The following NEIL1 variants were observed in gnomAD, a reference collection of about 807,000 sequenced individuals.
The protein encoded by NEIL1 is nei like DNA glycosylase 1.
A neutral mutation model predicts 44.2 loss-of-function variants in NEIL1; 31 were observed. That is an observed-to-expected ratio of 0.70 (90% CI 0.53 to 0.95). The LOEUF is 0.95. Ranked by LOEUF, NEIL1 falls within the 40% of genes least tolerant of loss-of-function variation. The probability of loss-of-function intolerance (pLI) is 0.00; values close to 1 mark genes in which losing one functional copy is unlikely to be tolerated. For synonymous variants in NEIL1, 254 were observed against 209.7 expected (o/e 1.21, Z -1.83); for missense variants, 549 against 515.5 (o/e 1.07, Z -0.63).
rs2071658685 is a variant in NEIL1 at position 75,348,954 on chromosome 15, G to A, written c.49G>A (p.Ala17Thr). 2 of 1,613,416 alleles carry A rather than the reference G, an allele frequency of 1.2e-6. No homozygotes were observed. Among genetic ancestry groups the A allele is most frequent in the Non-Finnish European group, 1.7e-6 (2 of 1,180,038 alleles). The change falls in exon 2 of 10, where the codon GCC (alanine) becomes ACC (threonine). Residue 17 changes from alanine to threonine, a missense_variant. By Grantham distance (58) the Ala-to-Thr change is moderately conservative (BLOSUM62 0). Coordinates refer to ENST00000355059, the MANE Select transcript of NEIL1 (RefSeq NM_024608.4). Reference sequence around the variant, plus strand: ...CCTGGCCAGCCAGTTTGTGAATGAGGCCTGCAGGGCGCTGGTGTTCGGCGG... The same window carrying A: ...CCTGGCCAGCCAGTTTGTGAATGAGACCTGCAGGGCGCTGGTGTTCGGCGG... ...LHLASQFVNE[A>T]CRALVFGGCV...
chr15:75,348,645 C>T (rs1364028707), intron 1 of NEIL1: 2 of 1,383,660 alleles, frequency 1.4e-6, no homozygotes, highest in South Asian at 1.7e-5. Flanking sequence ...TGGAAGGAAG[C>T]GGTTAGCAGC....
chr15:75,353,814 T>C lies in NEIL1; in HGVS notation c.794T>C (p.Met265Thr), dbSNP rs1361491588. Residue 265 changes from methionine to threonine, a missense_variant, in exon 6 of 10, where the codon ATG becomes ACG. Transcript: ENST00000355059. ...AFRAWLRCYG[M>T]PGMSSLQDRH... is the part of the protein sequence containing the mutation. The stretch of plus-strand genomic sequence containing the variant: ...CGAGCCTGGCTGCGCTGCTATGGCA[T>C]GCCAGGCATGAGCTCCCTGCAGGAC... 4.3e-6 allele frequency: 7 copies of C among 1,613,752 alleles called. No individual in the cohort carries two copies. In the Admixed American group the frequency reaches 5.0e-5, roughly 12 times the overall value.
chr15:75,352,794 G>T lies in NEIL1; in HGVS notation c.718+93G>T, dbSNP rs981100333. 6.9e-6 allele frequency: 7 copies of T among 1,011,980 alleles called. No homozygotes were observed. In the African/African-American group the frequency reaches 1.1e-4, roughly 16 times the overall value. The allele number at this position is 1,011,980 out of a possible 1,614,324, so 62.7% of individuals were successfully genotyped here. ...TCTCTGGACCTGATTCACCGATTTG[G>T]AAGTTTGTAGCCCTAGCTGATACTC... is the stretch of plus-strand genomic sequence containing the variant. On this transcript the variant is annotated intron_variant, in intron 5 of 9. Transcript: ENST00000355059.
chr15:75,348,238 C>A, intron 1 of NEIL1: 1 of 851,526 alleles, frequency 1.2e-6, no homozygotes. Flanking sequence ...ATGTCCGGTC[C>A]GTGGGGCAGG....
At chr15:75,352,548 C>T in intron 4 of NEIL1, 54 bp from the exon 5 acceptor site, 1 of 1,572,158 alleles carries the variant, frequency 6.4e-7, no homozygotes, top group East Asian at 2.3e-5. Context: ...AGAAGGTCAG[C>T]TGCCTTTACA....
intron 1 of NEIL1, chr15:75,348,029 G>C (rs1207401390): frequency 2.9e-5 from 34 of 1,156,928 alleles, no homozygotes; most frequent in Non-Finnish European, 3.7e-5. Context: ...GGGCGGAGGT[G>C]AGGAGTCGAT....
rs371145413 is a variant in NEIL1 at position 75,356,624 on chromosome 15, C to A, written c.*1590C>A. On this transcript the variant is annotated 3_prime_UTR_variant, in exon 10 of 10. Coordinates refer to ENST00000355059, the MANE Select transcript of NEIL1 (RefSeq NM_024608.4). The surrounding 1 kb of genome is among the most constrained non-coding windows in gnomAD (Gnocchi z 5.8). ...CACTCACCCTTGTGCGGCATCAGTG[C>A]ATAGGTGAACTCGTGGCGCCCCGTG... The A allele has an allele frequency of 1.3e-5, 20 of 1,564,634 alleles. No individual in the cohort carries two copies. The highest frequency in any genetic ancestry group is 1.6e-5 in the Non-Finnish European group (19 of 1,155,084).
chr15:75,356,196 G>T lies in NEIL1; in HGVS notation c.*1162G>T. 4 of 1,613,410 alleles carry T rather than the reference G, an allele frequency of 2.5e-6. No individual in the cohort carries two copies. Among genetic ancestry groups the T allele is most frequent in the Non-Finnish European group, 3.4e-6 (4 of 1,179,928 alleles). On this transcript the variant is annotated 3_prime_UTR_variant, in exon 10 of 10. Coordinates refer to ENST00000355059, the MANE Select transcript of NEIL1 (RefSeq NM_024608.4). This position sits in a 1 kb window ranked among gnomAD's most constrained non-coding sequence, Gnocchi z 5.8. ...CCTCATACAGCCTCAGGACCAGCGA[G>T]CGGCGCTGGGGGCTGCTCTCCGCCT...
Position 75,356,312 on chromosome 15 carries a change from TCTCCAATACGA to T in NEIL1, c.*1280_*1290del. On this transcript the variant is annotated 3_prime_UTR_variant, in exon 10 of 10. Transcript: ENST00000355059. The surrounding 1 kb of genome is among the most constrained non-coding windows in gnomAD (Gnocchi z 5.8). ...GTCCCACCCCTTGCCTGCTTGACGGTCTCCAATACGACCGCGGGTGAAGACACGGAAAACGC... is the reference window on the plus strand; with the variant it reads ...GTCCCACCCCTTGCCTGCTTGACGGTCCGCGGGTGAAGACACGGAAAACGC... The T allele has an allele frequency of 6.2e-7, 1 of 1,610,102 alleles. No individual in the cohort carries two copies. Among genetic ancestry groups the T allele is most frequent in the Non-Finnish European group, 8.5e-7 (1 of 1,178,996 alleles).
rs759956046 is a variant in NEIL1, at chr15:75,354,734, C to T, written c.1018C>T (p.Pro340Ser). Residue 340 changes from proline (P) to serine (S), a missense_variant, in exon 9 of 10, where the codon CCT becomes TCT. Pro to Ser is a moderately conservative substitution (Grantham distance 74). Coordinates refer to ENST00000355059, the MANE Select transcript of NEIL1 (RefSeq NM_024608.4). ...DLPKRTATQR[P>S]EGTSLQQDPE... The stretch of plus-strand genomic sequence containing the variant: ...TCCTAAGAGGACTGCAACCCAGCGG[C>T]CTGAGGGGACCAGCCTCCAGCAGGA... 6.2e-7 allele frequency: 1 copy of T among 1,614,140 alleles called. No homozygotes were observed. The highest frequency in any genetic ancestry group is 8.5e-7 in the Non-Finnish European group (1 of 1,180,040).
intron 2 of NEIL1, among the ~76,000 whole-genome samples, chr15:75,351,098 C>T (rs933566094): frequency 6.6e-6 from 1 of 152,136 alleles, no homozygotes; most frequent in African/African-American, 2.4e-5. Context: ...TGTCCAGGAT[C>T]TTGAGAAGAA....
At chr15:75,354,178 C>A (rs372109190) in intron 6 of NEIL1, 72 bp from the exon 7 acceptor site, 5 of 1,540,910 alleles carry the variant, frequency 3.2e-6, no homozygotes, top group Admixed American at 1.7e-5. Context: ...GTGTGTGAGT[C>A]CTGCCTCTCC....
chr15:75,347,959 G>A lies in NEIL1; in HGVS notation c.-23+486G>A, dbSNP rs2071569628. On this transcript the variant is annotated intron_variant, in intron 1 of 9. Transcript: ENST00000355059. ...CGCTAAGTGCCCCCTTCCACTTAAG[G>A]CACACCTTCGCCTCCGATTCCGAAC... 5 of 1,248,046 alleles carry A rather than the reference G, an allele frequency of 4.0e-6. No individual in the cohort carries two copies. In the African/African-American group the frequency reaches 4.6e-5, roughly 12 times the overall value. 77.3% of individuals were successfully genotyped at this position (1,248,046 alleles called of 1,614,324 possible). A position where few individuals can be genotyped will look rare whatever the true frequency, so the allele number is the denominator to read the frequency against.
Position 75,356,950 on chromosome 15 carries a change from G to C in NEIL1, c.*1916G>C, listed in dbSNP as rs1194563864. 15 of 1,495,832 alleles carry C rather than the reference G, an allele frequency of 1.0e-5. No homozygotes were observed. In the African/African-American group the frequency reaches 1.1e-4, roughly 11 times the overall value. The allele number at this position is 1,495,832 out of a possible 1,614,324, so 92.7% of individuals were successfully genotyped here. ...ACTTGGTGGCCCTGTGCCCCTCTTT[G>C]TGCTCCCAGACTCCAGAGCTCCTGT... On this transcript the variant is annotated 3_prime_UTR_variant, in exon 10 of 10. Transcript: ENST00000355059. The surrounding 1 kb of genome is among the most constrained non-coding windows in gnomAD (Gnocchi z 5.8).
rs572441442 is a variant in NEIL1, at chr15:75,355,113, G to C, written c.*79G>C. On this transcript the variant is annotated 3_prime_UTR_variant, in exon 10 of 10. Coordinates refer to ENST00000355059, the MANE Select transcript of NEIL1 (RefSeq NM_024608.4). ...TGGGGGTCTGAATTTTTGGGAGCAGGCAATATCTGAAGGTGCAAACAGGCC... is the reference window on the plus strand; with the variant it reads ...TGGGGGTCTGAATTTTTGGGAGCAGCCAATATCTGAAGGTGCAAACAGGCC... 13 of 1,303,614 alleles carry C rather than the reference G, an allele frequency of 1.0e-5. No individual in the cohort carries two copies. The East Asian group carries it at 2.7e-4, about 27-fold the overall frequency. The allele number at this position is 1,303,614 out of a possible 1,614,324, so 80.8% of individuals were successfully genotyped here.
rs934720955 is a variant in NEIL1, at chr15:75,352,183, G to A, written c.507G>A (p.Arg169=). Residue 169 remains arginine (R), a synonymous_variant, in exon 3 of 10, where the codon AGG becomes AGA. Coordinates refer to ENST00000355059, the MANE Select transcript of NEIL1 (RefSeq NM_024608.4). The part of the protein sequence containing the change: ...RPICEALLDQ[R]FFNGIGNYLR... Reference sequence around the variant, plus strand: ...TCTGCGAGGCCCTCCTGGACCAGAGGTTCTTCAATGGCATTGGCAACTATC... The same window carrying A: ...TCTGCGAGGCCCTCCTGGACCAGAGATTCTTCAATGGCATTGGCAACTATC... The A allele has an allele frequency of 1.9e-6, 3 of 1,614,116 alleles. No individual in the cohort carries two copies. The African/African-American group carries it at 4.0e-5, about 22-fold the overall frequency.
chr15:75,348,589 G>C, intron 1 of NEIL1: 1 of 1,264,484 alleles, frequency 7.9e-7, no homozygotes, highest in Non-Finnish European at 1.0e-6. Flanking sequence ...CTGCAGCCGC[G>C]GCCCCGCAAG....
chr15:75,350,272 G>C (rs549080113), intron 2 of NEIL1, among the ~76,000 whole-genome samples: 1 of 152,348 alleles, frequency 6.6e-6, no homozygotes, highest in African/African-American at 2.4e-5. Context: ...CTTGTTCTAG[G>C]GGCTCGGGGT....
At chr15:75,347,980 C>A in intron 1 of NEIL1, 1 of 1,240,112 alleles carries the variant, frequency 8.1e-7, no homozygotes, top group Non-Finnish European at 1.0e-6. Context: ...CCTCCGATTC[C>A]GAACCGCCCG....
Sources: allele counts gnomAD v4.1 joint callset (sites outside exome capture counted in the v4.1 genomes callset), GRCh38; gene constraint gnomAD v4.1.1; non-coding constraint Gnocchi (gnomAD v3.1); transcripts MANE v1.5; gene names NCBI Gene and HGNC (gene_info 2026-07-23, HGNC 2026-07-21).